The following AFDN variants were observed in gnomAD, a reference collection of about 807,000 sequenced individuals.
The protein encoded by AFDN is afadin.
AFDN carries 68 observed loss-of-function variants against 216.6 expected under a neutral mutation model. That is an observed-to-expected ratio of 0.31 (90% CI 0.26 to 0.38). The LOEUF is 0.38. AFDN is among the 10% of genes least tolerant of loss of function. AFDN has a pLI of 1.00. For synonymous variants in AFDN, 868 were observed against 853.7 expected (o/e 1.02, Z -0.29); for missense variants, 2,136 against 2,342.0 (o/e 0.91, Z 1.82).
intron 1 of AFDN, among the ~76,000 whole-genome samples, chr6:167,861,243 T>G (rs1374162452): frequency 2.6e-5 from 4 of 152,242 alleles, no homozygotes; most frequent in Non-Finnish European, 5.9e-5. Flanking sequence ...GTTAATCTGT[T>G]TATTAAGGGA....
Position 167,864,636 on chromosome 6 carries a change from G to A in AFDN, c.191G>A (p.Ser64Asn). ...NFATKCIRVS[S>N]TATTQDVIET... ...GCAACAAAATGTATTCGGGTCTCTA[G>A]TACTGCCACCACTCAAGATGTAATC... Residue 64 changes from serine (S) to asparagine (N), a missense_variant, in exon 2 of 34, where the codon AGT (serine) becomes AAT (asparagine). This residue lies in a region of AFDN where 817 missense variants were observed against 965.7 expected (regional missense o/e 0.85). Coordinates refer to ENST00000683244, the MANE Select transcript of AFDN (RefSeq NM_001386888.1). 6.2e-7 allele frequency: 1 copy of A among 1,614,200 alleles called. No individual in the cohort carries two copies. Among genetic ancestry groups the A allele is most frequent in the Non-Finnish European group, 8.5e-7 (1 of 1,180,042 alleles).
chr6:167,857,943 T>G (rs548258007), intron 1 of AFDN, among the ~76,000 whole-genome samples: 60 of 152,316 alleles, frequency 3.9e-4, no homozygotes, highest in African/African-American at 1.4e-3. Flanking sequence ...ATTTAAAGAT[T>G]ATGATTGAGT....
At chr6:167,862,974 C>T (rs781146081) in intron 1 of AFDN, among the ~76,000 whole-genome samples, 6 of 152,162 alleles carry the variant, frequency 3.9e-5, no homozygotes, top group Non-Finnish European at 8.8e-5. Flanking sequence ...TAACAAGACA[C>T]CCTGAGCAAG....
chr6:167,959,485 A>G (rs1012948196), intron 30 of AFDN, among the ~76,000 whole-genome samples: 3 of 152,128 alleles, frequency 2.0e-5, no homozygotes, highest in African/African-American at 7.2e-5. Flanking sequence ...TGTTTTCTTC[A>G]TGTTTTTGTC....
At chr6:167,941,915 C>A (rs1157466121) in intron 23 of AFDN, among the ~76,000 whole-genome samples, 1 of 152,198 alleles carries the variant, frequency 6.6e-6, no homozygotes, top group Non-Finnish European at 1.5e-5. Context: ...AACTTAGTTG[C>A]CAGATAATGT....
At chr6:167,942,489 G>C (rs966602230) in intron 23 of AFDN, among the ~76,000 whole-genome samples, 14 of 152,142 alleles carry the variant, frequency 9.2e-5, no homozygotes, top group Admixed American at 9.2e-4. Flanking sequence ...ATAGAGTTAG[G>C]TTTAGTATAG....
At chr6:167,839,737 A>G (rs1169797274) in intron 1 of AFDN, among the ~76,000 whole-genome samples, 2 of 152,192 alleles carry the variant, frequency 1.3e-5, no homozygotes, top group African/African-American at 2.4e-5. Context: ...GTGACACTTA[A>G]TTGACACATG....
chr6:167,957,716 G>C (rs1019698068), intron 30 of AFDN, among the ~76,000 whole-genome samples: 8 of 152,190 alleles, frequency 5.3e-5, no homozygotes, highest in African/African-American at 1.9e-4. Flanking sequence ...TCTCTAACTT[G>C]AGTAGCCGGT....
At chr6:167,902,092 CA>C (rs35449284) in intron 11 of AFDN, among the ~76,000 whole-genome samples, 31,414 of 82,216 alleles carry the variant, frequency 0.38, 2,755 homozygotes, top group East Asian at 0.56. Flanking sequence ...GACTTCATCT[CA>C]AAAAAAAAAA....
intron 23 of AFDN, among the ~76,000 whole-genome samples, chr6:167,931,103 A>G (rs1006007729): frequency 6.6e-6 from 1 of 152,226 alleles, no homozygotes; most frequent in African/African-American, 2.4e-5. Context: ...CTTGTCCACT[A>G]TTGAAAGGTT....
Position 167,924,830 on chromosome 6 carries a change from A to C in AFDN, c.3013-175A>C, listed in dbSNP as rs936280906. 1.8e-5 allele frequency: 12 copies of C among 662,686 alleles called. No individual in the cohort carries two copies. The African/African-American group carries it at 2.1e-4, about 12-fold the overall frequency. The allele number at this position is 662,686 out of a possible 1,614,324, so 41.1% of individuals were successfully genotyped here. A position where few individuals can be genotyped will look rare whatever the true frequency, so the allele number is the denominator to read the frequency against. On this transcript the variant is annotated intron_variant, in intron 22 of 33. Coordinates refer to ENST00000683244, the MANE Select transcript of AFDN (RefSeq NM_001386888.1). The stretch of plus-strand genomic sequence containing the variant: ...CAAGAATATCGATTTAGTTTACCAG[A>C]TTAATACCTGAAGAGTATCTATATT...
At chr6:167,859,745 A>T (rs889775135) in intron 1 of AFDN, among the ~76,000 whole-genome samples, 1 of 151,114 alleles carries the variant, frequency 6.6e-6, no homozygotes, top group East Asian at 1.9e-4. Context: ...TATTGACTCT[A>T]ATAATTTCAC....
intron 23 of AFDN, among the ~76,000 whole-genome samples, chr6:167,931,982 A>G (rs957448278): frequency 2.6e-5 from 4 of 152,136 alleles, no homozygotes; most frequent in African/African-American, 9.7e-5. Context: ...TATAGTAGTA[A>G]TAGTTATAGT....
At chr6:167,918,360 A>C (rs1438053465) in intron 20 of AFDN, among the ~76,000 whole-genome samples, 1 of 152,214 alleles carries the variant, frequency 6.6e-6, no homozygotes, top group African/African-American at 2.4e-5. Flanking sequence ...TATATCATTA[A>C]ACATTCTATA....
intron 23 of AFDN, among the ~76,000 whole-genome samples, chr6:167,935,307 C>G (rs1196785556): frequency 1.3e-5 from 2 of 152,168 alleles, no homozygotes; most frequent in East Asian, 3.8e-4. Flanking sequence ...GATACAAGAT[C>G]TAAATCTTCT....
chr6:167,926,293 C>T (rs775415380), intron 23 of AFDN, among the ~76,000 whole-genome samples: 9 of 152,154 alleles, frequency 5.9e-5, no homozygotes, highest in Non-Finnish European at 8.8e-5. Context: ...AGCTTTGCAG[C>T]GAACAAGTGC....
intron 1 of AFDN, chr6:167,827,759 G>C (rs1226267712): frequency 6.6e-6 from 1 of 152,172 alleles, no homozygotes; most frequent in Admixed American, 6.5e-5. Context: ...TTCGGGAGGT[G>C]CGGGCTGCCT....
intron 28 of AFDN, 151 bp downstream of exon 28, chr6:167,948,095 A>G: frequency 1.3e-6 from 1 of 752,284 alleles, no homozygotes; most frequent in Non-Finnish European, 2.1e-6. Context: ...GATTTTTAAT[A>G]TACTAGTCAG....
chr6:167,883,062 C>G (rs984742334), intron 6 of AFDN, among the ~76,000 whole-genome samples: 1 of 151,832 alleles, frequency 6.6e-6, no homozygotes, highest in African/African-American at 2.4e-5. Flanking sequence ...TGTGCCCTAT[C>G]TCAAAAAAGT....
Sources: allele counts gnomAD v4.1 joint callset (sites outside exome capture counted in the v4.1 genomes callset), GRCh38; gene constraint gnomAD v4.1.1; regional missense constraint gnomAD v4.1.1; transcripts MANE v1.5; gene names NCBI Gene and HGNC (gene_info 2026-07-23, HGNC 2026-07-21).